ANKRD36C: variants seen among roughly 807,000 people sequenced by gnomAD.
ANKRD36C encodes the protein ankyrin repeat domain-containing protein 36C.
In ANKRD36C, 61 loss-of-function variants were observed where a neutral mutation model predicts 276.4. The observed-to-expected ratio is 0.22, with a 90% CI of 0.18 to 0.27. The LOEUF is 0.27. ANKRD36C is among the 10% of genes least tolerant of loss of function. The pLI is 1.00. For missense variants in ANKRD36C, 1,447 were observed against 2,032.3 expected, an observed-to-expected ratio of 0.71 and a Z score of 5.54; for synonymous variants, 483 against 680.1, an observed-to-expected ratio of 0.71 and a Z score of 4.51.
chr2:95,945,585 C>T (rs374774963), intron 17 of ANKRD36C, among the ~76,000 whole-genome samples: 15 of 151,112 alleles, frequency 9.9e-5, no homozygotes, highest in Non-Finnish European at 2.1e-4. Flanking sequence ...TTACTTTCTG[C>T]GGGAAAAAAT....
At chr2:95,912,287 C>T (rs573740459) in exon 42 of ANKRD36C, 156 of 1,565,914 alleles carry the variant, frequency 1.0e-4, no homozygotes, top group South Asian at 5.8e-4. Context: ...TGGTTATATT[C>T]GAAAAAGAAT....
At chr2:95,978,269 A>G in intron 5 of ANKRD36C, 80 bp from the exon 6 acceptor site, 1 of 450,840 alleles carries the variant, frequency 2.2e-6, no homozygotes, top group Non-Finnish European at 4.0e-6. Context: ...TTATTAGAGT[A>G]TCTTGAACAA....
Position 95,954,727 on chromosome 2 carries a change from A to G in ANKRD36C, c.1137-722T>C, listed in dbSNP as rs528468551. Reference sequence around the variant, plus strand: ...ATTATATAGATCCTGCTTTATTCAGATCCACAAAAACCAGCAAGCTTAAGA... The same window carrying G: ...ATTATATAGATCCTGCTTTATTCAGGTCCACAAAAACCAGCAAGCTTAAGA... On this transcript the variant is annotated intron_variant, in intron 13 of 66. Coordinates refer to ENST00000456556, the Ensembl canonical transcript of ANKRD36C. 2.6e-5 allele frequency among the ~76,000 whole-genome samples: 4 copies of G among 152,324 alleles called. No homozygotes were observed. The East Asian group carries it at 7.7e-4, about 29-fold the overall frequency.
chr2:95,912,286 T>G (rs1676951901), exon 42 of ANKRD36C: 1 of 1,565,598 alleles, frequency 6.4e-7, no homozygotes, highest in South Asian at 1.2e-5. Flanking sequence ...CTGGTTATAT[T>G]CGAAAAAGAA....
chr2:95,890,591 C>T lies in ANKRD36C; in HGVS notation c.2858-597G>A, dbSNP rs554827881. Among the ~76,000 whole-genome samples, 9 of 151,570 alleles carry T rather than the reference C, an allele frequency of 5.9e-5. No homozygotes were observed. The South Asian group carries it at 1.5e-3, about 24-fold the overall frequency. ...CACACCCATGTGGTGTAATAATTTG[C>T]CTAAGTTTCTTGCATACACTAGTAT... is the stretch of plus-strand genomic sequence containing the variant. On this transcript the variant is annotated intron_variant, in intron 46 of 66. Coordinates refer to ENST00000456556, the Ensembl canonical transcript of ANKRD36C.
At chr2:95,917,476 T>C (rs1677134534) in intron 36 of ANKRD36C, among the ~76,000 whole-genome samples, 1 of 151,616 alleles carries the variant, frequency 6.6e-6, no homozygotes, top group African/African-American at 2.4e-5. Context: ...TTTCTGTCTT[T>C]TCTCAGCAGT....
intron 44 of ANKRD36C, among the ~76,000 whole-genome samples, chr2:95,894,514 C>T (rs1676477142): frequency 6.6e-6 from 1 of 151,418 alleles, no homozygotes; most frequent in South Asian, 2.1e-4. Context: ...TTCCAATATT[C>T]ATTGAAAATG....
intron 10 of ANKRD36C, among the ~76,000 whole-genome samples, chr2:95,959,251 G>A (rs1269514340): frequency 6.6e-6 from 1 of 151,918 alleles, no homozygotes; most frequent in African/African-American, 2.4e-5. Context: ...GGTAAACAAG[G>A]ACAATGGCAC....
At chr2:95,914,202 A>C (rs1677019137) in intron 39 of ANKRD36C, 22 bp from the exon 42 acceptor site, 1 of 1,573,958 alleles carries the variant, frequency 6.4e-7, no homozygotes, top group Non-Finnish European at 8.6e-7. Flanking sequence ...TTGAAATGAA[A>C]TAATAAGTTA....
rs1437952089 is a variant in ANKRD36C, at chr2:95,927,704, A to G, written c.1838-295T>C. Among the ~76,000 whole-genome samples, 8 of 151,686 alleles carry G rather than the reference A, an allele frequency of 5.3e-5. No individual in the cohort carries two copies. In the South Asian group the frequency reaches 1.7e-3, roughly 31 times the overall value. ...TGGATATGCCGAGTGATGAGGACAA[A>G]TCAGAGGAGTAACTCACACACCTGA... On this transcript the variant is annotated intron_variant, in intron 26 of 66. Transcript: ENST00000456556.
Position 95,891,863 on chromosome 2 carries a change from G to A in ANKRD36C, c.2756-3C>T. Reference sequence around the variant, plus strand: ...GCCTGATGGTTTCTCAGAAGACACTGAAAAGTAAAAGGGATTCATAATCAC... The same window carrying A: ...GCCTGATGGTTTCTCAGAAGACACTAAAAAGTAAAAGGGATTCATAATCAC... On this transcript the variant is annotated splice_region_variant and splice_polypyrimidine_tract_variant and intron_variant, in intron 44 of 66. Transcript: ENST00000456556. 2 of 1,560,290 alleles carry A rather than the reference G, an allele frequency of 1.3e-6. No homozygotes were observed. The highest frequency in any genetic ancestry group is 1.7e-6 in the Non-Finnish European group (2 of 1,152,548).
At chr2:95,971,064 G>A (rs2918853) in intron 6 of ANKRD36C, among the ~76,000 whole-genome samples, 42 of 152,190 alleles carry the variant, frequency 2.8e-4, no homozygotes, top group African/African-American at 9.6e-4. Context: ...ACATTCAACT[G>A]TCTTGGAAAT....
At chr2:95,907,924 T>G (rs1005123764) in intron 42 of ANKRD36C, among the ~76,000 whole-genome samples, 12 of 149,348 alleles carry the variant, frequency 8.0e-5, no homozygotes, top group African/African-American at 2.9e-4. Context: ...GCAGCCAAAA[T>G]CAAATATTTG....
intron 12 of ANKRD36C, among the ~76,000 whole-genome samples, chr2:95,957,892 C>T (rs1472566054): frequency 6.7e-6 from 1 of 148,510 alleles, no homozygotes; most frequent in Non-Finnish European, 1.5e-5. Flanking sequence ...TAACTGATAA[C>T]AACAAAACTT....
chr2:95,912,168 C>T, intron 42 of ANKRD36C, 76 bp downstream of exon 44: 5 of 1,524,682 alleles, frequency 3.3e-6, no homozygotes, highest in Non-Finnish European at 4.4e-6. Flanking sequence ...TTCGACCAGC[C>T]CCCCACTGAT....
At chr2:95,957,200 G>A (rs1678347704) in intron 12 of ANKRD36C, among the ~76,000 whole-genome samples, 1 of 152,306 alleles carries the variant, frequency 6.6e-6, no homozygotes, top group Non-Finnish European at 1.5e-5. Flanking sequence ...TCTAAACTCA[G>A]CTACTCAGGA....
At chr2:95,872,384 A>C (rs1483238281) in intron 59 of ANKRD36C, among the ~76,000 whole-genome samples, 1 of 151,716 alleles carries the variant, frequency 6.6e-6, no homozygotes, top group Non-Finnish European at 1.5e-5. Context: ...GCTCAACTAC[A>C]TGGAAACTGA....
At chr2:95,870,209 A>C (rs187814390) in intron 59 of ANKRD36C, among the ~76,000 whole-genome samples, 3 of 152,108 alleles carry the variant, frequency 2.0e-5, no homozygotes, top group Non-Finnish European at 4.4e-5. Context: ...CAGACTGCCT[A>C]CTCAAGTGAG....
chr2:95,879,430 G>C (rs569501351), intron 58 of ANKRD36C, among the ~76,000 whole-genome samples: 9 of 151,280 alleles, frequency 5.9e-5, no homozygotes, highest in African/African-American at 2.2e-4. Context: ...GTCCATTTTA[G>C]CATTACTGAG....
Sources: gnomAD v4.1 joint callset for allele counts (sites outside exome capture counted in the v4.1 genomes callset) on GRCh38, gnomAD v4.1.1 for gene constraint, MANE v1.5 for transcripts, NCBI Gene and HGNC (gene_info 2026-07-23, HGNC 2026-07-21) for gene names.